CELF2: variants seen among roughly 807,000 people sequenced by gnomAD.
CELF2 encodes CUGBP Elav-like family member 2.
CELF2 carries 8 observed loss-of-function variants against 62.6 expected under a neutral mutation model. That is an observed-to-expected ratio of 0.13 (90% confidence interval 0.07 to 0.23). The LOEUF is 0.23. Among genes scored for constraint, CELF2 ranks in the 10% least tolerant of loss-of-function variants. The pLI is 1.00. For missense variants in CELF2, 333 were observed against 671.0 expected, an observed-to-expected ratio of 0.50 and a Z score of 5.56; for synonymous variants, 258 against 250.0, an observed-to-expected ratio of 1.03 and a Z score of -0.30.
intron 2 of CELF2, chr10:10,925,259 T>C (rs1224387502): frequency 2.6e-5 from 4 of 152,168 alleles, no homozygotes; most frequent in Admixed American, 2.0e-4. Flanking sequence ...CTAGAGCCGA[T>C]GGATGGACAC....
intron 2 of CELF2, among the ~76,000 whole-genome samples, chr10:10,933,418 A>G (rs888995833): frequency 6.6e-6 from 1 of 152,224 alleles, no homozygotes; most frequent in African/African-American, 2.4e-5. Context: ...CTGTCATCTC[A>G]TACAATTATC....
chr10:10,807,471 C>T (rs2055351124), intron 1 of CELF2, among the ~76,000 whole-genome samples: 1 of 152,128 alleles, frequency 6.6e-6, no homozygotes, highest in Admixed American at 6.5e-5. Flanking sequence ...CCAATGTTTC[C>T]AATTATGTTC....
chr10:10,527,446 C>CAA, the CELF2 span, among the ~76,000 whole-genome samples: 5,482 of 126,040 alleles, frequency 0.043, 283 homozygotes, highest in African/African-American at 0.13. Flanking sequence ...AACTCTGTCT[C>CAA]AAAAAAAAAA....
At position 10,972,624 on chromosome 10, in the gene CELF2, G is replaced by A. The variant is rs1033954499; in HGVS notation, c.89+52625G>A. On this transcript the variant is annotated intron_variant, in intron 2 of 13. Transcript: ENST00000636488. This position sits in a 1 kb window ranked among gnomAD's most constrained non-coding sequence, Gnocchi z 4.4. ...CTACATATTGATGATTCTCAGTCCC[G>A]GTCTCCATGACTGACCTTGCTGTGT... Among the ~76,000 whole-genome samples, 3 of 151,998 alleles carry A rather than the reference G, an allele frequency of 2.0e-5. No individual in the cohort carries two copies. Among genetic ancestry groups the A allele is most frequent in the Admixed American group, 2.0e-4 (3 of 15,256 alleles).
At chr10:10,474,983 G>A in the CELF2 span, among the ~76,000 whole-genome samples, 2 of 152,082 alleles carry the variant, frequency 1.3e-5, no homozygotes, top group Non-Finnish European at 2.9e-5. Context: ...AGGTCAATAG[G>A]ATAATGCTTT....
chr10:10,902,830 G>A (rs1299060801), intron 1 of CELF2, among the ~76,000 whole-genome samples: 3 of 147,946 alleles, frequency 2.0e-5, no homozygotes, highest in Non-Finnish European at 4.5e-5. Flanking sequence ...AAGGAAAGAT[G>A]GAGAGGAGAG....
At chr10:10,508,076 G>T in the CELF2 span, among the ~76,000 whole-genome samples, 1 of 151,970 alleles carries the variant, frequency 6.6e-6, no homozygotes, top group Non-Finnish European at 1.5e-5. Context: ...AAATGAATAA[G>T]CCCAGAACAA....
chr10:11,281,218 A>G (rs927306004), intron 8 of CELF2, among the ~76,000 whole-genome samples: 4 of 137,094 alleles, frequency 2.9e-5, no homozygotes, highest in African/African-American at 9.9e-5. Flanking sequence ...GCTGTCACCA[A>G]ACACATTTTG....
chr10:10,999,334 G>T (rs1033004785), intron 2 of CELF2, among the ~76,000 whole-genome samples: 9 of 152,218 alleles, frequency 5.9e-5, no homozygotes, highest in African/African-American at 2.2e-4. Context: ...TGTTTTCATG[G>T]AACTTAGGTT....
rs55973293 is a variant in CELF2, at chr10:10,883,578, G to A, written c.54-36386G>A. Among the ~76,000 whole-genome samples, 1,311 of 152,202 alleles carry A rather than the reference G, an allele frequency of 8.6e-3. 18 individuals are homozygous for A. The highest frequency in any genetic ancestry group is 0.03 in the African/African-American group (1,245 of 41,532). ...TTTTTAGGCTCTGGGGAGTGTAGTT[G>A]TGTGCTTCTCATGCTGTCCCTGGCC... On this transcript the variant is annotated intron_variant, in intron 1 of 13. Transcript: ENST00000636488.
the CELF2 span, among the ~76,000 whole-genome samples, chr10:10,523,454 T>C: frequency 2.3e-4 from 35 of 152,226 alleles, no homozygotes; most frequent in Non-Finnish European, 1.5e-5. Context: ...CATCAGAATT[T>C]GGAAGTATCT....
chr10:10,593,893 C>T, the CELF2 span, among the ~76,000 whole-genome samples: 2 of 152,130 alleles, frequency 1.3e-5, no homozygotes, highest in African/African-American at 4.8e-5. Context: ...TACAATAACA[C>T]CAAATGCATA....
At chr10:11,003,206 G>A (rs1050857477), upstream of CELF2, among the ~76,000 whole-genome samples, 1 of 152,190 alleles carries the variant, frequency 6.6e-6, no homozygotes, top group Non-Finnish European at 1.5e-5. The surrounding 1 kb of genome is among the most constrained non-coding windows in gnomAD (Gnocchi z 4.4). Flanking sequence ...TAAAAAGGAA[G>A]TGGAGAGAGT....
At chr10:10,830,851 C>G (rs1036016648) in intron 1 of CELF2, among the ~76,000 whole-genome samples, 1 of 152,206 alleles carries the variant, frequency 6.6e-6, no homozygotes, top group Non-Finnish European at 1.5e-5. Context: ...TATTACAAAA[C>G]TGTGTTTTTA....
At chr10:10,721,227 T>C in the CELF2 span, among the ~76,000 whole-genome samples, 1 of 152,224 alleles carries the variant, frequency 6.6e-6, no homozygotes, top group African/African-American at 2.4e-5. Context: ...AATGCTGGGT[T>C]TGGGCAGAGG....
At chr10:10,848,634 T>C (rs2059166042) in intron 1 of CELF2, among the ~76,000 whole-genome samples, 1 of 152,176 alleles carries the variant, frequency 6.6e-6, no homozygotes, top group South Asian at 2.1e-4. Context: ...TCTGCTGATA[T>C]CTTCCCTTTC....
intron 1 of CELF2, among the ~76,000 whole-genome samples, chr10:11,161,449 C>G (rs1472862728): frequency 6.6e-6 from 1 of 152,238 alleles, no homozygotes; most frequent in East Asian, 1.9e-4. Context: ...ACTCATGGAA[C>G]GTGAAGCAGA....
rs1037841341 is a variant in CELF2 at position 11,302,809 on chromosome 10, C to T, written c.977-11330C>T. Among the ~76,000 whole-genome samples, 4 of 152,158 alleles carry T rather than the reference C, an allele frequency of 2.6e-5. No homozygotes were observed. The highest frequency in any genetic ancestry group is 9.7e-5 in the African/African-American group (4 of 41,418). On this transcript the variant is annotated intron_variant, in intron 9 of 12. Coordinates refer to ENST00000633077, the MANE Select transcript of CELF2 (RefSeq NM_001326342.2). This position sits in a 1 kb window ranked among gnomAD's most constrained non-coding sequence, Gnocchi z 5.0. ...TTGACATGAGATTTTCACATTGTTC[C>T]GCTGTGCTGCGGACAGTGGAAGTTG...
At chr10:10,588,941 C>A in the CELF2 span, among the ~76,000 whole-genome samples, 1 of 152,178 alleles carries the variant, frequency 6.6e-6, no homozygotes, top group East Asian at 1.9e-4. Context: ...TCCTATAAAA[C>A]AAAGAGTGTC....
Sources: gnomAD v4.1 joint callset for allele counts (sites outside exome capture counted in the v4.1 genomes callset) on GRCh38, gnomAD v4.1.1 for gene constraint, Gnocchi (gnomAD v3.1) non-coding constraint, MANE v1.5 for transcripts, NCBI Gene and HGNC (gene_info 2026-07-23, HGNC 2026-07-21) for gene names.